Variants in OSTM1 observed in about 807,000 individuals in gnomAD.
OSTM1 encodes osteoclastogenesis associated transmembrane protein 1.
A neutral mutation model predicts 35.4 loss-of-function variants in OSTM1; 26 were observed. That is an observed-to-expected ratio of 0.73 (90% CI 0.54 to 1.02). The LOEUF is 1.02. Ranked by LOEUF, OSTM1 falls within the 50% of genes least tolerant of loss-of-function variation. OSTM1 has a pLI of 0.00. For missense variants in OSTM1, 366 were observed against 409.6 expected (o/e 0.89, Z 0.92); for synonymous variants, 181 against 165.0 (o/e 1.10, Z -0.75).
chr6:108,050,303 A>T (rs532776041), intron 4 of OSTM1, among the ~76,000 whole-genome samples: 1 of 151,816 alleles, frequency 6.6e-6, no homozygotes, highest in East Asian at 1.9e-4. Context: ...AAAACAATGG[A>T]ATAGGAAGTG....
chr6:108,074,377 G>A lies in OSTM1; in HGVS notation c.275C>T (p.Ala92Val). 4 of 1,590,684 alleles carry A rather than the reference G, an allele frequency of 2.5e-6. No individual in the cohort carries two copies. The highest frequency in any genetic ancestry group is 3.4e-6 in the Non-Finnish European group (4 of 1,168,908). The change falls in exon 1 of 6, where the codon GCC (alanine) becomes GTC (valine). Residue 92 changes from alanine (A) to valine (V), a missense_variant. Ala to Val is a moderately conservative substitution (Grantham distance 64, BLOSUM62 0). Transcript: ENST00000193322. Reference sequence around the variant, plus strand: ...CCCTGTCAGCTCTGCGCTGCTGTTGGCGAAGTCCAGCAGGAGCTCCCGGCA... The same window carrying A: ...CCCTGTCAGCTCTGCGCTGCTGTTGACGAAGTCCAGCAGGAGCTCCCGGCA... ...PECRELLLDFANSSAELTGCL... is the reference protein window; with the variant it reads ...PECRELLLDFVNSSAELTGCL...
chr6:108,059,252 C>T (rs1273274387), intron 2 of OSTM1, among the ~76,000 whole-genome samples: 8 of 152,200 alleles, frequency 5.3e-5, no homozygotes, highest in Admixed American at 1.3e-4. Context: ...TTCTGAGAAA[C>T]CTTTAATATA....
intron 1 of OSTM1, among the ~76,000 whole-genome samples, chr6:108,065,941 T>G (rs1772369032): frequency 6.6e-6 from 1 of 151,574 alleles, no homozygotes; most frequent in Admixed American, 6.6e-5. Flanking sequence ...TAGGAAAGAG[T>G]TCATGAAGGA....
Position 108,044,696 on chromosome 6 carries a change from G to C in OSTM1, c.*89C>G. ...CTTGTATTTCTTAAGAGCTTGACTT[G>C]TCAAATCACAGTTTATCTTCTTTCT... On this transcript the variant is annotated 3_prime_UTR_variant, in exon 6 of 6. Coordinates refer to ENST00000193322, the MANE Select transcript of OSTM1 (RefSeq NM_014028.4). The C allele has an allele frequency of 1.3e-6, 1 of 770,420 alleles. No homozygotes were observed. The highest frequency in any genetic ancestry group is 2.3e-4 in the Middle Eastern group (1 of 4,330). 47.7% of individuals were successfully genotyped at this position (770,420 alleles called of 1,614,324 possible).
chr6:108,063,146 A>G (rs1357452876), intron 2 of OSTM1, among the ~76,000 whole-genome samples: 3 of 151,998 alleles, frequency 2.0e-5, no homozygotes, highest in Non-Finnish European at 4.4e-5. Flanking sequence ...CCAAGTGGCT[A>G]GGACTACAGT....
At chr6:108,059,337 A>G (rs9400185) in intron 2 of OSTM1, among the ~76,000 whole-genome samples, 62,156 of 152,018 alleles carry the variant, frequency 0.41, 14,315 homozygotes, top group African/African-American at 0.59. Flanking sequence ...TGAGTAGAAA[A>G]AGTTGCACTC....
chr6:108,068,056 A>C (rs982324827), intron 1 of OSTM1, among the ~76,000 whole-genome samples: 70 of 152,072 alleles, frequency 4.6e-4, no homozygotes, highest in African/African-American at 1.6e-3. Flanking sequence ...TGTTAGTGTC[A>C]CCAATACTGC....
intron 3 of OSTM1, among the ~76,000 whole-genome samples, chr6:108,052,917 G>A (rs551463176): frequency 2.6e-5 from 4 of 152,186 alleles, no homozygotes; most frequent in East Asian, 3.9e-4. Context: ...TAATGGCATC[G>A]CCACCAATGA....
chr6:108,046,823 T>C (rs985514307), intron 5 of OSTM1, among the ~76,000 whole-genome samples: 5 of 152,250 alleles, frequency 3.3e-5, no homozygotes, highest in Admixed American at 3.3e-4. Context: ...TTTGGGTTTT[T>C]GAGAATTACT....
chr6:108,074,511 C>G lies in OSTM1; in HGVS notation c.141G>C (p.Leu47=). ...CCACCTCCAGCAACTGCTGCTCCGA[C>G]AGGAGGTCGTGGAAGACCCTGTGCG... ...SSPHRVFHDL[L]SEQQLLEVED... The change falls in exon 1 of 6, where the codon CTG becomes CTC. Residue 47 remains leucine (L), a synonymous_variant. Transcript: ENST00000193322. 2 of 1,558,908 alleles carry G rather than the reference C, an allele frequency of 1.3e-6. No homozygotes were observed. The highest frequency in any genetic ancestry group is 1.2e-5 in the South Asian group (1 of 84,848).
intron 4 of OSTM1, among the ~76,000 whole-genome samples, chr6:108,050,530 A>C (rs1772058713): frequency 6.6e-6 from 1 of 151,790 alleles, no homozygotes; most frequent in Admixed American, 6.6e-5. Context: ...CACCCGGCTA[A>C]TTTTTCTATT....
At chr6:108,051,924 T>C (rs921909975) in intron 3 of OSTM1, among the ~76,000 whole-genome samples, 3 of 152,270 alleles carry the variant, frequency 2.0e-5, no homozygotes, top group African/African-American at 7.2e-5. Context: ...CTTTGCTTTC[T>C]ATGCCCTTTA....
At position 108,074,628 on chromosome 6, in the gene OSTM1, C is replaced by A; in HGVS notation, c.24G>T (p.Ala8=). Reference sequence around the variant, plus strand: ...ACGGCGGCAACGAACACCTCCGCTGCGCGGCTGTCGGGCCCGGCTCCATCA... The same window carrying A: ...ACGGCGGCAACGAACACCTCCGCTGAGCGGCTGTCGGGCCCGGCTCCATCA... The part of the protein sequence containing the change: MEPGPTA[A]QRRCSLPPWL... The change falls in exon 1 of 6, where the codon GCG becomes GCT. Residue 8 remains alanine (A), a synonymous_variant. Coordinates refer to ENST00000193322, the MANE Select transcript of OSTM1 (RefSeq NM_014028.4). The A allele has an allele frequency of 6.4e-7, 1 of 1,558,420 alleles. No homozygotes were observed. The highest frequency in any genetic ancestry group is 8.6e-7 in the Non-Finnish European group (1 of 1,158,854).
intron 1 of OSTM1, among the ~76,000 whole-genome samples, chr6:108,070,854 C>T (rs9480828): frequency 0.029 from 4,125 of 142,826 alleles, 170 homozygotes; most frequent in African/African-American, 0.095. Context: ...CCCGCCATTG[C>T]ACTCCAGCCT....
chr6:108,049,515 T>G, intron 4 of OSTM1, 97 bp from the exon 5 acceptor site: 1 of 1,576,638 alleles, frequency 6.3e-7, no homozygotes, highest in Non-Finnish European at 8.6e-7. Flanking sequence ...AATCTAGAAT[T>G]TAGACTCAAT....
In OSTM1 at chr6:108,071,314, G is replaced by T. The variant is rs138023634; in HGVS notation, c.402+2936C>A. 7.2e-3 allele frequency among the ~76,000 whole-genome samples: 1,082 copies of T among 149,790 alleles called. 18 individuals are homozygous for T. Among genetic ancestry groups the T allele is most frequent in the African/African-American group, 0.023 (938 of 40,898 alleles). On this transcript the variant is annotated intron_variant, in intron 1 of 5. Coordinates refer to ENST00000193322, the MANE Select transcript of OSTM1 (RefSeq NM_014028.4). ...TAGGTTTTTGTTTTGTTTTGTTTTG[G>T]TTTTTTTTTGCAACGGAGTCTTACT...
intron 4 of OSTM1, among the ~76,000 whole-genome samples, chr6:108,050,358 CTTTTTTTTTTTTT>C (rs759901355): frequency 9.5e-6 from 1 of 104,836 alleles, no homozygotes; most frequent in Admixed American, 1.2e-4. Flanking sequence ...CCAGAAACGT[CTTTTTTTTTTTTT>C]TTTTTTTTTT....
chr6:108,071,229 A>T (rs1470750844), intron 1 of OSTM1, among the ~76,000 whole-genome samples: 1 of 151,990 alleles, frequency 6.6e-6, no homozygotes, highest in African/African-American at 2.4e-5. Context: ...TACACTGGAT[A>T]AATAAACCTC....
At chr6:108,057,090 T>A (rs1360689752) in intron 2 of OSTM1, among the ~76,000 whole-genome samples, 1 of 152,104 alleles carries the variant, frequency 6.6e-6, no homozygotes, top group East Asian at 1.9e-4. Flanking sequence ...TAGCCAGGCA[T>A]GGTGGCGTGC....
Sources: gnomAD v4.1 joint callset for allele counts (sites outside exome capture counted in the v4.1 genomes callset) on GRCh38, gnomAD v4.1.1 for gene constraint, MANE v1.5 for transcripts, NCBI Gene and HGNC (gene_info 2026-07-23, HGNC 2026-07-21) for gene names.